TMEM45A: variants seen among roughly 807,000 people sequenced by gnomAD.
The protein encoded by TMEM45A is DNA polymerase-transactivated protein 4.
In TMEM45A, 25 loss-of-function variants were observed where a neutral mutation model predicts 32.0. That is an observed-to-expected ratio of 0.78 (90% CI 0.57 to 1.09). TMEM45A has a LOEUF of 1.09. Among genes scored for constraint, TMEM45A ranks in the 50% least tolerant of loss-of-function variants. The pLI is 0.00. For missense variants in TMEM45A, 302 were observed against 325.0 expected, an observed-to-expected ratio of 0.93 and a Z score of 0.54; for synonymous variants, 122 against 114.8, an observed-to-expected ratio of 1.06 and a Z score of -0.40.
At position 100,576,995 on chromosome 3, in the gene TMEM45A, C is replaced by A. The variant is rs1298931124; in HGVS notation, c.805C>A (p.Gln269Lys). ...ACTTCTGAAAAATGCTGAACGAGAACAAGAATCAGAAGAAGAAATGTGACT... is the reference window on the plus strand; with the variant it reads ...ACTTCTGAAAAATGCTGAACGAGAAAAAGAATCAGAAGAAGAAATGTGACT... ...VGLLKNAERE[Q>K]ESEEEM Residue 269 changes from glutamine to lysine, a missense_variant, in exon 6 of 6, where the codon CAA (glutamine) becomes AAA (lysine). By Grantham distance (53) the Gln-to-Lys change is moderately conservative. Transcript: ENST00000323523. The A allele has an allele frequency of 1.2e-5, 19 of 1,613,124 alleles. No homozygotes were observed. The highest frequency in any genetic ancestry group is 1.6e-5 in the Non-Finnish European group (19 of 1,179,814).
chr3:100,531,272 G>T (rs1410078719), intron 1 of TMEM45A, among the ~76,000 whole-genome samples: 1 of 152,192 alleles, frequency 6.6e-6, no homozygotes, highest in South Asian at 2.1e-4. Flanking sequence ...GTGCTGACAT[G>T]TTCTTTTGTG....
At chr3:100,514,926 G>C (rs1708234897) in intron 1 of TMEM45A, among the ~76,000 whole-genome samples, 1 of 149,204 alleles carries the variant, frequency 6.7e-6, no homozygotes, top group Admixed American at 6.7e-5. Flanking sequence ...ACCACAATGA[G>C]ATACCATCTC....
chr3:100,558,538 G>A lies in TMEM45A; in HGVS notation c.537G>A (p.Leu179=), dbSNP rs34709959. The A allele has an allele frequency of 4.2e-5, 68 of 1,614,130 alleles. No individual in the cohort carries two copies. In the African/African-American group the frequency reaches 7.7e-4, roughly 18 times the overall value. ...TCCTTGTTCGGAACAATGTACTTCT[G>A]GAGCTATTGCGGTCAAGTCTCATTC... ...LEFLVRNNVL[L]ELLRSSLILL... The change falls in exon 4 of 6, where the codon CTG becomes CTA. Residue 179 remains leucine, a synonymous_variant. Transcript: ENST00000323523.
intron 1 of TMEM45A, among the ~76,000 whole-genome samples, chr3:100,517,888 G>A (rs72943302): frequency 0.053 from 8,006 of 152,298 alleles, 654 homozygotes; most frequent in African/African-American, 0.17. Flanking sequence ...AGGAAAGACT[G>A]TGGTTTAAAT....
At chr3:100,526,203 C>T (rs1705541779) in intron 1 of TMEM45A, among the ~76,000 whole-genome samples, 1 of 152,174 alleles carries the variant, frequency 6.6e-6, no homozygotes, top group South Asian at 2.1e-4. Flanking sequence ...GAGCTGTGTG[C>T]TGGGAGCTTC....
At position 100,558,581 on chromosome 3, in the gene TMEM45A, T is replaced by C; in HGVS notation, c.580T>C (p.Phe194Leu). ...TCTCATTCTGCTTCAGGGGAGCTGG[T>C]TCTTTCAGGTGAGTTGGGGCCTCTA... is the stretch of plus-strand genomic sequence containing the variant. ...SSLILLQGSWFFQIGFVLYPP... is the reference protein window; with the variant it reads ...SSLILLQGSWLFQIGFVLYPP... Residue 194 changes from phenylalanine to leucine, a missense_variant, in exon 4 of 6, where the codon TTC becomes CTC. Phe to Leu is a conservative substitution (Grantham distance 22). Transcript: ENST00000323523. 4 of 1,613,818 alleles carry C rather than the reference T, an allele frequency of 2.5e-6. No individual in the cohort carries two copies. Among genetic ancestry groups the C allele is most frequent in the Non-Finnish European group, 2.5e-6 (3 of 1,179,750 alleles).
chr3:100,538,667 C>G (rs55764247), intron 1 of TMEM45A, among the ~76,000 whole-genome samples: 70,662 of 151,960 alleles, frequency 0.47, 16,961 homozygotes, highest in African/African-American at 0.57. Context: ...AAATCCCAAA[C>G]AATCAACAAT....
chr3:100,563,910 C>T (rs769867845), intron 4 of TMEM45A, among the ~76,000 whole-genome samples: 4 of 152,182 alleles, frequency 2.6e-5, no homozygotes, highest in African/African-American at 9.7e-5. Context: ...GAGCTCATAC[C>T]TCTAACTTAA....
At chr3:100,503,299 T>A (rs1241918719) in intron 1 of TMEM45A, among the ~76,000 whole-genome samples, 1 of 151,960 alleles carries the variant, frequency 6.6e-6, no homozygotes, top group Non-Finnish European at 1.5e-5. Flanking sequence ...AAAGATGAGG[T>A]TCACTATGTT....
intron 1 of TMEM45A, among the ~76,000 whole-genome samples, chr3:100,554,150 A>G (rs1467996268): frequency 6.6e-6 from 1 of 151,212 alleles, no homozygotes; most frequent in Non-Finnish European, 1.5e-5. Flanking sequence ...AGGGCTACTC[A>G]CGTAATTAAA....
intron 1 of TMEM45A, among the ~76,000 whole-genome samples, chr3:100,503,147 C>A (rs534730068): frequency 1.3e-5 from 2 of 152,216 alleles, no homozygotes; most frequent in African/African-American, 4.8e-5. Context: ...ACTCTGTCAT[C>A]CAGGCTGGAG....
At chr3:100,529,456 C>T (rs1242039813) in intron 1 of TMEM45A, among the ~76,000 whole-genome samples, 1 of 152,076 alleles carries the variant, frequency 6.6e-6, no homozygotes, top group African/African-American at 2.4e-5. Flanking sequence ...GGCCATGCTG[C>T]AGCGAGGGGA....
chr3:100,557,061 T>G, intron 3 of TMEM45A, 89 bp downstream of exon 3: 1 of 1,405,326 alleles, frequency 7.1e-7, no homozygotes, highest in South Asian at 1.2e-5. Flanking sequence ...GGCATCTTGT[T>G]GCAGCCTTGA....
chr3:100,549,984 T>A (rs1706059520), intron 1 of TMEM45A, among the ~76,000 whole-genome samples: 1 of 142,242 alleles, frequency 7.0e-6, no homozygotes, highest in Non-Finnish European at 1.5e-5. Flanking sequence ...GACATTTGGG[T>A]TGGTTCCAAG....
chr3:100,500,788 A>T (rs1311538560), intron 1 of TMEM45A, among the ~76,000 whole-genome samples: 1 of 152,200 alleles, frequency 6.6e-6, no homozygotes, highest in Admixed American at 6.5e-5. Flanking sequence ...TTCTCCTTCA[A>T]GAGAAATTTA....
intron 1 of TMEM45A, among the ~76,000 whole-genome samples, chr3:100,505,475 G>A (rs144699881): frequency 3.7e-4 from 56 of 152,262 alleles, no homozygotes; most frequent in African/African-American, 1.3e-3. Flanking sequence ...CATTTTAGTG[G>A]CAGGAAATTT....
In TMEM45A at chr3:100,568,836, G is replaced by T. The variant is rs754751707; in HGVS notation, c.603G>T (p.Leu201=). The change falls in exon 5 of 6, where the codon CTG becomes CTT. Residue 201 remains leucine, a synonymous_variant. Coordinates refer to ENST00000323523, the MANE Select transcript of TMEM45A (RefSeq NM_018004.3). ...CTAAATTACAGATTGGATTTGTCCTGTATCCCCCCAGTGGAGGTCCTGCAT... is the reference window on the plus strand; with the variant it reads ...CTAAATTACAGATTGGATTTGTCCTTTATCCCCCCAGTGGAGGTCCTGCAT... ...GSWFFQIGFV[L]YPPSGGPAWD... is the part of the protein sequence containing the mutation. The T allele has an allele frequency of 6.2e-7, 1 of 1,611,752 alleles. No homozygotes were observed.
chr3:100,530,391 C>T (rs1705623742), intron 1 of TMEM45A, among the ~76,000 whole-genome samples: 1 of 152,198 alleles, frequency 6.6e-6, no homozygotes, highest in Non-Finnish European at 1.5e-5. Context: ...GAGAAGACCT[C>T]AGTCTTTTAA....
chr3:100,577,065 A>T lies in TMEM45A; in HGVS notation c.*47A>T, dbSNP rs1274899963. 1.3e-6 allele frequency: 2 copies of T among 1,481,548 alleles called. No homozygotes were observed. The highest frequency in any genetic ancestry group is 1.9e-6 in the Non-Finnish European group (2 of 1,072,172). The allele number at this position is 1,481,548 out of a possible 1,614,324, so 91.8% of individuals were successfully genotyped here. A position where few individuals can be genotyped will look rare whatever the true frequency, so the allele number is the denominator to read the frequency against. ...TCTAGATAAACCTTTTCTTTTTTAC[A>T]TTGTTCTTGGTTTTGTTTCTCGATC... On this transcript the variant is annotated 3_prime_UTR_variant, in exon 6 of 6. Coordinates refer to ENST00000323523, the MANE Select transcript of TMEM45A (RefSeq NM_018004.3).
Sources: allele counts gnomAD v4.1 joint callset (sites outside exome capture counted in the v4.1 genomes callset), GRCh38; gene constraint gnomAD v4.1.1; transcripts MANE v1.5; gene names NCBI Gene and HGNC (gene_info 2026-07-23, HGNC 2026-07-21).